Variants in NRXN3 observed in about 807,000 individuals in gnomAD.
NRXN3 encodes neurexin 3.
Under a neutral mutation model 137.6 loss-of-function variants are expected in NRXN3, and 32 were observed. That is an observed-to-expected ratio of 0.23 (90% CI 0.18 to 0.31). NRXN3 has a LOEUF of 0.31. Ranked by LOEUF, NRXN3 falls within the 10% of genes least tolerant of loss-of-function variation. The pLI is 1.00. For missense variants in NRXN3, 1,574 were observed against 2,062.5 expected, an observed-to-expected ratio of 0.76 and a Z score of 4.59; for synonymous variants, 798 against 784.5, an observed-to-expected ratio of 1.02 and a Z score of -0.29.
chr14:78,448,275 C>A (rs1468282654), intron 4 of NRXN3, among the ~76,000 whole-genome samples: 1 of 152,162 alleles, frequency 6.6e-6, no homozygotes, highest in Non-Finnish European at 1.5e-5. Context: ...GTGTGTAGCA[C>A]AGAGCAATTG....
Position 79,194,726 on chromosome 14 carries a change from T to C in NRXN3, c.3262+206585T>C, listed in dbSNP as rs191414289. ...GAAGGCACACAAGAGACAAATGAAA[T>C]GTGTGTGTATAAACCTGGCTTTGGT... On this transcript the variant is annotated intron_variant, in intron 15 of 20. Transcript: ENST00000335750. Among the ~76,000 whole-genome samples the C allele has an allele frequency of 3.3e-5, 5 of 152,280 alleles. No homozygotes were observed. The East Asian group carries it at 5.8e-4, about 18-fold the overall frequency.
At chr14:79,485,014 C>A (rs2153645327) in intron 16 of NRXN3, among the ~76,000 whole-genome samples, 1 of 152,014 alleles carries the variant, frequency 6.6e-6, no homozygotes, top group South Asian at 2.1e-4. Flanking sequence ...GGTTATTATT[C>A]TTAAAATACA....
At chr14:79,428,591 T>G (rs1343486657) in intron 15 of NRXN3, among the ~76,000 whole-genome samples, 1 of 152,086 alleles carries the variant, frequency 6.6e-6, no homozygotes. Context: ...TTACATATAT[T>G]ATATATACAT....
At position 79,228,392 on chromosome 14, in the gene NRXN3, G is replaced by C. The variant is rs1230333218; in HGVS notation, c.3263-238829G>C. 2.0e-5 allele frequency among the ~76,000 whole-genome samples: 3 copies of C among 152,114 alleles called. No homozygotes were observed. In the East Asian group the frequency reaches 5.8e-4, roughly 29 times the overall value. On this transcript the variant is annotated intron_variant, in intron 15 of 20. Transcript: ENST00000335750. Reference sequence around the variant, plus strand: ...TAAAAATAATCATTTGAGGAACTCTGTTAAATTTTTTAAAAAGTGCATTAG... The same window carrying C: ...TAAAAATAATCATTTGAGGAACTCTCTTAAATTTTTTAAAAAGTGCATTAG...
At chr14:79,394,356 C>T (rs950112178) in intron 15 of NRXN3, among the ~76,000 whole-genome samples, 3 of 152,160 alleles carry the variant, frequency 2.0e-5, no homozygotes, top group Admixed American at 6.5e-5. Context: ...TCTCAGTTCT[C>T]GTGATTAGTC....
intron 20 of NRXN3, chr14:79,854,100 C>G (rs1362479047): frequency 1.0e-6 from 1 of 981,170 alleles, no homozygotes; most frequent in African/African-American, 1.8e-5. Context: ...TAAGAAATGA[C>G]AACAAAAAAA....
At chr14:78,177,414 ATTGGATTC>A (rs2153341421) in intron 1 of NRXN3, among the ~76,000 whole-genome samples, 1 of 152,144 alleles carries the variant, frequency 6.6e-6, no homozygotes, top group East Asian at 1.9e-4. Context: ...GCCAGAGAAA[ATTGGATTC>A]TGAGAAGCAA....
chr14:79,818,889 G>A (rs888467436), intron 20 of NRXN3, among the ~76,000 whole-genome samples: 2 of 152,116 alleles, frequency 1.3e-5, no homozygotes, highest in Non-Finnish European at 2.9e-5. Context: ...AAACATCTGA[G>A]GATTCCATTA....
At chr14:79,633,911 C>T (rs1211248664) in intron 16 of NRXN3, among the ~76,000 whole-genome samples, 2 of 152,056 alleles carry the variant, frequency 1.3e-5, no homozygotes, top group Non-Finnish European at 2.9e-5. Context: ...TGGGCCCCCA[C>T]GAAGCTCTGC....
At chr14:78,372,293 C>CTT (rs59696267) in intron 4 of NRXN3, among the ~76,000 whole-genome samples, 2 of 146,326 alleles carry the variant, frequency 1.4e-5, no homozygotes, top group African/African-American at 5.1e-5. Flanking sequence ...CTTTTCTTTT[C>CTT]TTTTTTTTTT....
chr14:78,914,394 G>A (rs61994006), intron 10 of NRXN3, among the ~76,000 whole-genome samples: 4,330 of 152,268 alleles, frequency 0.028, 82 homozygotes, highest in African/African-American at 0.054. Flanking sequence ...AATTAAAATT[G>A]TATAACAGGT....
At chr14:78,550,144 C>G (rs192456080) in intron 4 of NRXN3, among the ~76,000 whole-genome samples, 2 of 151,870 alleles carry the variant, frequency 1.3e-5, no homozygotes. Context: ...AAGTGATCCT[C>G]CCACCTCAGC....
chr14:79,723,678 G>A (rs1356226964), intron 19 of NRXN3, among the ~76,000 whole-genome samples: 1 of 152,118 alleles, frequency 6.6e-6, no homozygotes. Flanking sequence ...AGGGTCTTCT[G>A]TGTTCCTTTG....
At chr14:79,673,579 C>G (rs1418315819) in intron 17 of NRXN3, among the ~76,000 whole-genome samples, 1 of 152,100 alleles carries the variant, frequency 6.6e-6, no homozygotes, top group Non-Finnish European at 1.5e-5. Flanking sequence ...ATTCCCCTAT[C>G]CTCATCACCG....
rs575936216 is a variant in NRXN3, at chr14:78,810,389, A to C, written c.2275+45A>C. On this transcript the variant is annotated intron_variant, in intron 10 of 20. Transcript: ENST00000335750. ...TCATTTTGTTCTTTAAAAAAAAAAA[A>C]CAAAACTGACTTTATTTTGTTTACT... 67 of 847,838 alleles carry C rather than the reference A, an allele frequency of 7.9e-5. No individual in the cohort carries two copies. In the South Asian group the frequency reaches 1.2e-3, roughly 15 times the overall value. The allele number at this position is 847,838 out of a possible 1,614,324, so 52.5% of individuals were successfully genotyped here.
intron 15 of NRXN3, among the ~76,000 whole-genome samples, chr14:79,091,328 G>T (rs1462946105): frequency 6.6e-6 from 1 of 152,094 alleles, no homozygotes; most frequent in Non-Finnish European, 1.5e-5. Context: ...TGATCTAACA[G>T]GTAATAAGAA....
At chr14:78,723,372 A>G (rs565913174) in intron 8 of NRXN3, among the ~76,000 whole-genome samples, 64 of 152,256 alleles carry the variant, frequency 4.2e-4, no homozygotes, top group Non-Finnish European at 8.1e-4. Context: ...GGACTTAGTT[A>G]GTAATCAATT....
chr14:78,592,902 A>G lies in NRXN3; in HGVS notation c.758-52218A>G, dbSNP rs537027270. Reference sequence around the variant, plus strand: ...TCTGTAGTAGGACCCATGTCCTCCCATCTGCAGGGGATGCTCTGTTGGCTT... The same window carrying G: ...TCTGTAGTAGGACCCATGTCCTCCCGTCTGCAGGGGATGCTCTGTTGGCTT... On this transcript the variant is annotated intron_variant, in intron 4 of 20. Transcript: ENST00000335750. Among the ~76,000 whole-genome samples, 369 of 152,316 alleles carry G rather than the reference A, an allele frequency of 2.4e-3. 4 individuals are homozygous for G. The highest frequency in any genetic ancestry group is 4.0e-3 in the Non-Finnish European group (269 of 68,022).
intron 19 of NRXN3, among the ~76,000 whole-genome samples, chr14:79,734,477 G>A (rs1229673708): frequency 6.6e-6 from 1 of 152,070 alleles, no homozygotes; most frequent in Admixed American, 6.6e-5. Context: ...TTCAAGATTT[G>A]GGACTTTAGC....
Sources: gnomAD v4.1 joint callset for allele counts (sites outside exome capture counted in the v4.1 genomes callset) on GRCh38, gnomAD v4.1.1 for gene constraint, MANE v1.5 for transcripts, NCBI Gene and HGNC (gene_info 2026-07-23, HGNC 2026-07-21) for gene names.